Variants in SOS1 observed in about 807,000 individuals in gnomAD.
SOS1 encodes son of sevenless homolog 1.
A neutral mutation model predicts 157.6 loss-of-function variants in SOS1; 25 were observed. The observed-to-expected ratio is 0.16, with a 90% CI of 0.12 to 0.22. SOS1 has a LOEUF of 0.22. Among genes scored for constraint, SOS1 ranks in the 10% least tolerant of loss-of-function variants. SOS1 has a pLI of 1.00. For missense variants in SOS1, 1,237 were observed against 1,599.1 expected (o/e 0.77, Z 3.86); for synonymous variants, 528 against 534.0 (o/e 0.99, Z 0.16).
At chr2:39,028,810 C>A (rs1239126472) in intron 8 of SOS1, among the ~76,000 whole-genome samples, 1 of 152,096 alleles carries the variant, frequency 6.6e-6, no homozygotes, top group East Asian at 1.9e-4. Context: ...ATATTATATA[C>A]ATAGAGCTCA....
chr2:39,086,410 G>A (rs568500324), intron 1 of SOS1, among the ~76,000 whole-genome samples: 1 of 152,314 alleles, frequency 6.6e-6, no homozygotes, highest in South Asian at 2.1e-4. Flanking sequence ...ATAAGTGGGA[G>A]AGGGAACAAG....
intron 1 of SOS1, among the ~76,000 whole-genome samples, chr2:39,075,051 G>A (rs184645623): frequency 8.5e-5 from 13 of 152,250 alleles, no homozygotes; most frequent in Admixed American, 7.8e-4. Flanking sequence ...TTTTAAGTGA[G>A]ACACGGACAT....
At chr2:39,122,867 G>T (rs1673942773), upstream of SOS1, among the ~76,000 whole-genome samples, 2 of 151,980 alleles carry the variant, frequency 1.3e-5, no homozygotes, top group Admixed American at 1.3e-4. Flanking sequence ...TATTTAAAGG[G>T]TTGTGATATG....
intron 15 of SOS1, among the ~76,000 whole-genome samples, chr2:39,009,072 A>T (rs1028643297): frequency 9.2e-5 from 14 of 152,122 alleles, no homozygotes; most frequent in Non-Finnish European, 1.9e-4. Flanking sequence ...GAATACGGTC[A>T]CGGAATTAAA....
At chr2:39,109,706 A>G (rs1186014685) in intron 1 of SOS1, among the ~76,000 whole-genome samples, 1 of 152,300 alleles carries the variant, frequency 6.6e-6, no homozygotes, top group East Asian at 1.9e-4. Flanking sequence ...CATAAAATCT[A>G]TTTCCTCAGC....
chr2:39,048,740 C>T (rs916155690), intron 6 of SOS1, among the ~76,000 whole-genome samples: 2 of 152,114 alleles, frequency 1.3e-5, no homozygotes, highest in Admixed American at 6.6e-5. Context: ...TATAGTTTCA[C>T]TGCCATGTTT....
Position 39,035,276 on chromosome 2 carries a change from T to C in SOS1, c.1010A>G (p.Tyr337Cys), listed in dbSNP as rs724160007. The C allele has an allele frequency of 6.8e-6, 11 of 1,613,930 alleles. No individual in the cohort carries two copies. The Admixed American group carries it at 1.2e-4, about 17-fold the overall frequency. ...GGCCAGAAGCAGCCTGGGTAAAACATATTGAACAGCTTCTTTGAAACCTTC... is the reference window on the plus strand; with the variant it reads ...GGCCAGAAGCAGCCTGGGTAAAACACATTGAACAGCTTCTTTGAAACCTTC... ...IGEGFKEAVQYVLPRLLLAPV... is the reference protein window; with the variant it reads ...IGEGFKEAVQCVLPRLLLAPV... The change falls in exon 8 of 23, where the codon TAT becomes TGT. Residue 337 changes from tyrosine to cysteine, a missense_variant. Around this residue, in one of 15 missense-constraint regions of SOS1, gnomAD observed 101 missense variants for 171.5 expected, o/e 0.59. Coordinates refer to ENST00000402219, the MANE Select transcript of SOS1 (RefSeq NM_005633.4).
At chr2:39,113,848 C>A (rs560771642) in intron 1 of SOS1, among the ~76,000 whole-genome samples, 2 of 152,350 alleles carry the variant, frequency 1.3e-5, no homozygotes, top group African/African-American at 4.8e-5. Flanking sequence ...TCTTGAATCT[C>A]TTTTTTGCCT....
chr2:39,100,620 G>A (rs1672932933), intron 1 of SOS1, among the ~76,000 whole-genome samples: 1 of 152,146 alleles, frequency 6.6e-6, no homozygotes. Flanking sequence ...CTAACATATA[G>A]AAACAAAAGA....
At chr2:39,101,491 G>C (rs1672966314) in intron 1 of SOS1, among the ~76,000 whole-genome samples, 1 of 152,010 alleles carries the variant, frequency 6.6e-6, no homozygotes, top group African/African-American at 2.4e-5. Flanking sequence ...TTTATGCATA[G>C]CATTATATGT....
At chr2:39,005,726 T>C (rs1442076312) in intron 17 of SOS1, among the ~76,000 whole-genome samples, 1 of 151,964 alleles carries the variant, frequency 6.6e-6, no homozygotes, top group Non-Finnish European at 1.5e-5. Context: ...AGGAAAAGGC[T>C]AGAAGAAACT....
At chr2:39,031,707 G>A (rs975264744) in intron 8 of SOS1, among the ~76,000 whole-genome samples, 3 of 152,126 alleles carry the variant, frequency 2.0e-5, no homozygotes, top group African/African-American at 7.2e-5. Flanking sequence ...CTGGGCGACA[G>A]AGTGAGACTC....
chr2:39,041,547 C>T (rs997118727), intron 6 of SOS1, among the ~76,000 whole-genome samples: 114 of 152,164 alleles, frequency 7.5e-4, no homozygotes, highest in African/African-American at 2.7e-3. Context: ...TCCAAATTAT[C>T]TACTTTTTCT....
At chr2:39,094,304 G>T (rs979448227) in intron 1 of SOS1, among the ~76,000 whole-genome samples, 1 of 151,800 alleles carries the variant, frequency 6.6e-6, no homozygotes, top group Non-Finnish European at 1.5e-5. Context: ...AAAATTGATG[G>T]GTATAATGCA....
intron 17 of SOS1, among the ~76,000 whole-genome samples, chr2:39,002,362 T>G (rs547198398): frequency 5.9e-5 from 9 of 152,252 alleles, no homozygotes; most frequent in Admixed American, 3.3e-4. Context: ...CAGTTAAGTT[T>G]ATAAAGATCT....
At chr2:39,083,953 A>C (rs1480304659) in intron 1 of SOS1, among the ~76,000 whole-genome samples, 1 of 152,190 alleles carries the variant, frequency 6.6e-6, no homozygotes, top group East Asian at 1.9e-4. Context: ...GAGGTAATTA[A>C]GTTAAAATGA....
At chr2:39,087,277 G>A (rs1463964841) in intron 1 of SOS1, among the ~76,000 whole-genome samples, 2 of 152,138 alleles carry the variant, frequency 1.3e-5, no homozygotes, top group East Asian at 1.9e-4. Context: ...TACTTCATAA[G>A]AATACTTTCC....
intron 1 of SOS1, among the ~76,000 whole-genome samples, chr2:39,115,370 A>G (rs1284185862): frequency 6.8e-6 from 1 of 147,788 alleles, no homozygotes; most frequent in Non-Finnish European, 1.5e-5. Context: ...TTTGAGATTC[A>G]GCCATGTTGT....
rs184088282 is a variant in SOS1 at position 39,115,832 on chromosome 2, T to C, written c.87+4504A>G. ...TTGACGAACATTGGATTTTTTCCAGTTTTTGACTGAAAAGAGATGCCATGA... is the reference window on the plus strand; with the variant it reads ...TTGACGAACATTGGATTTTTTCCAGCTTTTGACTGAAAAGAGATGCCATGA... On this transcript the variant is annotated intron_variant, in intron 1 of 22. Transcript: ENST00000402219. 1.1e-4 allele frequency among the ~76,000 whole-genome samples: 17 copies of C among 152,344 alleles called. 1 individual carries two copies. Among genetic ancestry groups the C allele is most frequent in the Middle Eastern group, 3.4e-3 (1 of 294 alleles).
Sources: gnomAD v4.1 joint callset for allele counts (sites outside exome capture counted in the v4.1 genomes callset) on GRCh38, gnomAD v4.1.1 for gene constraint, gnomAD v4.1.1 regional missense constraint, MANE v1.5 for transcripts, NCBI Gene and HGNC (gene_info 2026-07-23, HGNC 2026-07-21) for gene names.